ATG10: variants seen among roughly 807,000 people sequenced by gnomAD.
ATG10 encodes the protein ubiquitin-like-conjugating enzyme ATG10.
Under a neutral mutation model 32.1 loss-of-function variants are expected in ATG10, and 30 were observed. That is an observed-to-expected ratio of 0.94 (90% CI 0.70 to 1.27). ATG10 has a LOEUF of 1.27. Among genes scored for constraint, ATG10 ranks in the 50% most tolerant of loss-of-function variants. The pLI is 0.00. For missense variants in ATG10, 233 were observed against 262.3 expected (o/e 0.89, Z 0.77); for synonymous variants, 87 against 91.5 (o/e 0.95, Z 0.28).
chr5:81,975,204 TA>T (rs1760834684), intron 1 of ATG10, among the ~76,000 whole-genome samples: 1 of 152,236 alleles, frequency 6.6e-6, no homozygotes. Context: ...ACTAATTCTT[TA>T]AACAGTGGTT....
chr5:82,117,246 T>C (rs950084768), intron 3 of ATG10, among the ~76,000 whole-genome samples: 2 of 152,034 alleles, frequency 1.3e-5, no homozygotes, highest in African/African-American at 4.8e-5. Context: ...AATGGAAACA[T>C]TATGGAGCAA....
At chr5:82,145,776 G>A (rs112586196) in intron 3 of ATG10, among the ~76,000 whole-genome samples, 6 of 150,606 alleles carry the variant, frequency 4.0e-5, no homozygotes, top group East Asian at 3.9e-4. Flanking sequence ...GCCTGATCTC[G>A]GCTCACTGCA....
intron 5 of ATG10, among the ~76,000 whole-genome samples, chr5:82,178,800 A>G (rs1744130162): frequency 6.6e-6 from 1 of 152,098 alleles, no homozygotes; most frequent in African/African-American, 2.4e-5. Context: ...GTGCCCTATA[A>G]TTATCCTTTA....
intron 3 of ATG10, among the ~76,000 whole-genome samples, chr5:82,104,924 TA>T (rs1303530871): frequency 1.3e-5 from 2 of 152,148 alleles, no homozygotes; most frequent in Non-Finnish European, 2.9e-5. Context: ...TTGTTGATGT[TA>T]TAGGTGTTTT....
At chr5:81,978,138 C>T (rs1048825644) in intron 1 of ATG10, among the ~76,000 whole-genome samples, 5 of 152,012 alleles carry the variant, frequency 3.3e-5, no homozygotes, top group Admixed American at 2.6e-4. Context: ...GGCATGATCT[C>T]AGCTCATTGC....
At chr5:82,005,973 C>T (rs1761977671) in intron 2 of ATG10, among the ~76,000 whole-genome samples, 1 of 151,844 alleles carries the variant, frequency 6.6e-6, no homozygotes, top group African/African-American at 2.4e-5. Context: ...TGGCAACATA[C>T]CAGAAATATT....
chr5:82,112,343 T>C (rs899284023), intron 3 of ATG10, among the ~76,000 whole-genome samples: 3 of 151,898 alleles, frequency 2.0e-5, no homozygotes, highest in Non-Finnish European at 4.4e-5. Flanking sequence ...TAAAATATAT[T>C]TGAGGGGGCT....
intron 3 of ATG10, among the ~76,000 whole-genome samples, chr5:82,117,400 C>G (rs1765850610): frequency 6.6e-6 from 1 of 152,088 alleles, no homozygotes; most frequent in Non-Finnish European, 1.5e-5. Flanking sequence ...TTATGCAAGT[C>G]ATCTGTCAAT....
intron 5 of ATG10, among the ~76,000 whole-genome samples, chr5:82,230,606 T>C (rs1275099181): frequency 6.6e-6 from 1 of 151,288 alleles, no homozygotes; most frequent in East Asian, 1.9e-4. Context: ...GGTGGCACGC[T>C]CCTGTAGTCC....
chr5:82,057,336 CA>C (rs1763635832), intron 2 of ATG10, among the ~76,000 whole-genome samples: 1 of 152,180 alleles, frequency 6.6e-6, no homozygotes, highest in East Asian at 1.9e-4. Context: ...TATTCTCTCA[CA>C]GTTCTGGAGG....
chr5:82,206,346 C>T (rs1026447656), intron 5 of ATG10, among the ~76,000 whole-genome samples: 1 of 151,988 alleles, frequency 6.6e-6, no homozygotes, highest in Non-Finnish European at 1.5e-5. Flanking sequence ...ATCAAAGGAA[C>T]TGATTTTTAA....
chr5:82,070,396 T>C (rs1431310077), intron 3 of ATG10, among the ~76,000 whole-genome samples: 1 of 152,172 alleles, frequency 6.6e-6, no homozygotes, highest in African/African-American at 2.4e-5. Flanking sequence ...TATTAATTGT[T>C]CTCTTTCCAA....
At chr5:82,197,760 A>ATCTATCTATCTG (rs1379998143) in intron 5 of ATG10, among the ~76,000 whole-genome samples, 52 of 147,382 alleles carry the variant, frequency 3.5e-4, no homozygotes, top group African/African-American at 1.3e-3. Flanking sequence ...CTATCTATCT[A>ATCTATCTATCTG]TCTATCTATC....
intron 1 of ATG10, among the ~76,000 whole-genome samples, chr5:81,982,856 G>A (rs890616510): frequency 2.0e-5 from 3 of 152,236 alleles, no homozygotes; most frequent in African/African-American, 4.8e-5. Flanking sequence ...CACAGCACAT[G>A]TTTCAGAGAG....
rs150665594 is a variant in ATG10 at position 82,055,743 on chromosome 5, G to A, written c.109-2752G>A. 4.6e-5 allele frequency among the ~76,000 whole-genome samples: 7 copies of A among 152,214 alleles called. No individual in the cohort carries two copies. In the East Asian group the frequency reaches 5.8e-4, roughly 13 times the overall value. On this transcript the variant is annotated intron_variant, in intron 2 of 7. Coordinates refer to ENST00000282185, the MANE Select transcript of ATG10 (RefSeq NM_031482.5). ...AAACACATGCTATTATAGTTTTACC[G>A]TATAGTCATGCTGCATAATGACATT...
chr5:82,199,277 G>A (rs760042068), intron 5 of ATG10, among the ~76,000 whole-genome samples: 2 of 152,168 alleles, frequency 1.3e-5, no homozygotes, highest in African/African-American at 2.4e-5. Flanking sequence ...TTTCTTGGTA[G>A]AATTTGTGTG....
At chr5:82,222,582 C>A (rs894927702) in intron 5 of ATG10, among the ~76,000 whole-genome samples, 1 of 152,094 alleles carries the variant, frequency 6.6e-6, no homozygotes, top group Admixed American at 6.5e-5. Flanking sequence ...AACATAAGCT[C>A]AAATAACAAA....
chr5:82,181,655 C>T (rs377038372), intron 5 of ATG10, among the ~76,000 whole-genome samples: 2 of 151,990 alleles, frequency 1.3e-5, no homozygotes, highest in African/African-American at 2.4e-5. Context: ...CATTAGCTTG[C>T]GGACTGAACA....
intron 1 of ATG10, 89 bp from the exon 2 acceptor site, chr5:81,987,470 T>G: frequency 1.1e-6 from 1 of 944,752 alleles, no homozygotes; most frequent in Non-Finnish European, 1.6e-6. Flanking sequence ...ATCCCAAATT[T>G]TGGTTTATTG....
Sources: allele counts gnomAD v4.1 joint callset (sites outside exome capture counted in the v4.1 genomes callset), GRCh38; gene constraint gnomAD v4.1.1; transcripts MANE v1.5; gene names NCBI Gene and HGNC (gene_info 2026-07-23, HGNC 2026-07-21).